Variants in BCAS3 observed in about 807,000 individuals in gnomAD.
The protein encoded by BCAS3 is BCAS4/BCAS3 fusion.
A neutral mutation model predicts 116.1 loss-of-function variants in BCAS3; 53 were observed. The observed-to-expected ratio is 0.46, with a 90% CI of 0.37 to 0.57. The LOEUF (loss-of-function observed/expected upper bound fraction) is 0.57. Among genes scored for constraint, BCAS3 ranks in the 20% least tolerant of loss-of-function variants. The pLI, the probability that BCAS3 is intolerant of heterozygous loss-of-function variation, is 0.00. For synonymous variants in BCAS3, 391 were observed against 408.2 expected, an observed-to-expected ratio of 0.96 and a Z score of 0.51; for missense variants, 917 against 1,165.4, an observed-to-expected ratio of 0.79 and a Z score of 3.10.
intron 6 of BCAS3, among the ~76,000 whole-genome samples, chr17:60,779,591 A>G (rs921806074): frequency 2.0e-5 from 3 of 151,940 alleles, no homozygotes; most frequent in African/African-American, 7.3e-5. Flanking sequence ...CTGGTCTCGA[A>G]CTCCTGACCT....
In BCAS3 at chr17:61,388,905, C is replaced by T. The variant is rs909124493; in HGVS notation, c.2594-3072C>T. 4.4e-5 allele frequency: 25 copies of T among 569,750 alleles called. No individual in the cohort carries two copies. Among genetic ancestry groups the T allele is most frequent in the African/African-American group, 1.7e-4 (9 of 53,260 alleles). The allele number at this position is 569,750 out of a possible 1,614,324, so 35.3% of individuals were successfully genotyped here. A position where few individuals can be genotyped will look rare whatever the true frequency, so the allele number is the denominator to read the frequency against. ...AGCTGCCCCGGGGCCAGCAGGCCCC[C>T]GATTCTTTCAGTTAGTCTGTGTTGA... On this transcript the variant is annotated intron_variant, in intron 23 of 23. Coordinates refer to ENST00000407086, the MANE Select transcript of BCAS3 (RefSeq NM_017679.5). This position sits in a 1 kb window ranked among gnomAD's most constrained non-coding sequence, Gnocchi z 6.5.
intron 13 of BCAS3, among the ~76,000 whole-genome samples, chr17:60,942,515 T>C (rs907543216): frequency 6.6e-6 from 1 of 152,190 alleles, no homozygotes; most frequent in Non-Finnish European, 1.5e-5. Flanking sequence ...AATAACCTCA[T>C]GATCATAGCT....
intron 7 of BCAS3, among the ~76,000 whole-genome samples, chr17:60,858,679 G>A (rs1354395686): frequency 6.6e-6 from 1 of 152,038 alleles, no homozygotes; most frequent in Non-Finnish European, 1.5e-5. Flanking sequence ...ATTTTTCAGA[G>A]TGACTGTACC....
intron 14 of BCAS3, among the ~76,000 whole-genome samples, chr17:60,952,942 A>T (rs1259916834): frequency 6.6e-6 from 1 of 151,684 alleles, no homozygotes; most frequent in Admixed American, 6.6e-5. Flanking sequence ...CAAAGACATG[A>T]TCGCATTCTT....
intron 4 of BCAS3, among the ~76,000 whole-genome samples, chr17:60,691,546 G>A (rs1391103854): frequency 6.6e-6 from 1 of 152,120 alleles, no homozygotes; most frequent in Non-Finnish European, 1.5e-5. Context: ...CTTCTTTGGA[G>A]AAATGGCTCT....
At chr17:60,970,060 T>C (rs2061871031) in intron 14 of BCAS3, among the ~76,000 whole-genome samples, 1 of 152,240 alleles carries the variant, frequency 6.6e-6, no homozygotes. Context: ...TGGTCATTTC[T>C]TGTTGAATAG....
intron 22 of BCAS3, among the ~76,000 whole-genome samples, chr17:61,335,923 G>T (rs777190288): frequency 6.6e-6 from 1 of 152,274 alleles, no homozygotes; most frequent in Non-Finnish European, 1.5e-5. Flanking sequence ...CCTAGCAGCT[G>T]TGGCTGCCTG....
At chr17:60,686,202 T>G (rs2034021020) in intron 3 of BCAS3, among the ~76,000 whole-genome samples, 1 of 152,172 alleles carries the variant, frequency 6.6e-6, no homozygotes, top group Admixed American at 6.6e-5. Flanking sequence ...TTGGTTGACA[T>G]GAGAACAGTG....
intron 22 of BCAS3, among the ~76,000 whole-genome samples, chr17:61,163,906 T>C (rs1297167052): frequency 6.6e-6 from 1 of 151,110 alleles, no homozygotes; most frequent in Non-Finnish European, 1.5e-5. Context: ...GAATCGCTTG[T>C]TTCTCCTCTG....
intron 19 of BCAS3, among the ~76,000 whole-genome samples, chr17:61,072,747 T>G (rs1213342961): frequency 6.6e-6 from 1 of 151,814 alleles, no homozygotes; most frequent in Non-Finnish European, 1.5e-5. Flanking sequence ...TTTGCCTTAC[T>G]GACTTAACCT....
intron 7 of BCAS3, among the ~76,000 whole-genome samples, chr17:60,814,308 C>CGCGCGT (rs1862555760): frequency 8.1e-6 from 1 of 124,174 alleles, no homozygotes; most frequent in African/African-American, 4.0e-5. Flanking sequence ...TGTGTGTGTG[C>CGCGCGT]GCGCGTGCCC....
chr17:60,977,641 A>C (rs1468627585), intron 14 of BCAS3, among the ~76,000 whole-genome samples: 1 of 149,642 alleles, frequency 6.7e-6, no homozygotes, highest in African/African-American at 2.5e-5. Flanking sequence ...TCCCAATGCT[A>C]TCCCACCCCG....
intron 7 of BCAS3, among the ~76,000 whole-genome samples, chr17:60,842,857 C>T (rs924264009): frequency 6.6e-5 from 10 of 150,878 alleles, no homozygotes; most frequent in African/African-American, 2.4e-4. Flanking sequence ...TTTGCATTCT[C>T]TTAGCTTTTT....
In BCAS3 at chr17:61,248,237, T is replaced by G. The variant is rs1008389544; in HGVS notation, c.2426-120090T>G. Among the ~76,000 whole-genome samples, 3 of 152,222 alleles carry G rather than the reference T, an allele frequency of 2.0e-5. No individual in the cohort carries two copies. Among genetic ancestry groups the G allele is most frequent in the Non-Finnish European group, 4.4e-5 (3 of 68,032 alleles). ...AGGTGGTACCCTATTTGAGTCCTTCTGAAGACTGGAGCACATAAAGGCCTG... is the reference window on the plus strand; with the variant it reads ...AGGTGGTACCCTATTTGAGTCCTTCGGAAGACTGGAGCACATAAAGGCCTG... On this transcript the variant is annotated intron_variant, in intron 22 of 23. Transcript: ENST00000407086. This position sits in a 1 kb window ranked among gnomAD's most constrained non-coding sequence, Gnocchi z 4.3.
chr17:60,857,575 A>G (rs2053788281), intron 7 of BCAS3, among the ~76,000 whole-genome samples: 1 of 152,188 alleles, frequency 6.6e-6, no homozygotes, highest in South Asian at 2.1e-4. Context: ...ATAACACCTT[A>G]TGGGGCATGC....
intron 19 of BCAS3, among the ~76,000 whole-genome samples, chr17:61,043,944 T>C (rs1264502880): frequency 6.6e-6 from 1 of 152,048 alleles, no homozygotes; most frequent in Non-Finnish European, 1.5e-5. Flanking sequence ...ATTTTCACTT[T>C]GCAAACATTT....
chr17:60,763,974 T>G (rs2043819052), intron 6 of BCAS3, among the ~76,000 whole-genome samples: 1 of 152,230 alleles, frequency 6.6e-6, no homozygotes, highest in Non-Finnish European at 1.5e-5. Context: ...ATTTTCTAGT[T>G]TATTTGCATA....
chr17:61,312,184 C>T (rs1287121952), intron 22 of BCAS3, among the ~76,000 whole-genome samples: 1 of 152,102 alleles, frequency 6.6e-6, no homozygotes, highest in Non-Finnish European at 1.5e-5. Context: ...ACAGTGGATC[C>T]AACTCTCCAT....
At chr17:61,384,468 C>T (rs1423494321) in intron 23 of BCAS3, 3 of 152,324 alleles carry the variant, frequency 2.0e-5, no homozygotes, top group African/African-American at 4.8e-5. Flanking sequence ...GATGCTGACG[C>T]AGATGAGAAG....
Sources: allele counts gnomAD v4.1 joint callset (sites outside exome capture counted in the v4.1 genomes callset), GRCh38; gene constraint gnomAD v4.1.1; non-coding constraint Gnocchi (gnomAD v3.1); transcripts MANE v1.5; gene names NCBI Gene and HGNC (gene_info 2026-07-23, HGNC 2026-07-21).